BRD10: variants seen among roughly 807,000 people sequenced by gnomAD.
BRD10 encodes the protein bromodomain containing 10, also known as uncharacterized bromodomain-containing protein 10.
chr9:5,961,266 T>C, the BRD10 span, among the ~76,000 whole-genome samples: 36 of 152,292 alleles, frequency 2.4e-4, no homozygotes, highest in Non-Finnish European at 5.0e-4. Flanking sequence ...GCTATAAGCA[T>C]GAACAGCAAG....
the BRD10 span, chr9:5,933,737 G>C: frequency 6.4e-6 from 3 of 469,822 alleles, no homozygotes; most frequent in Non-Finnish European, 1.3e-5. Flanking sequence ...AAATGAGTCG[G>C]GAGGGAAACT....
At chr9:5,920,678 C>A in the BRD10 span, 9 of 1,613,910 alleles carry the variant, frequency 5.6e-6, no homozygotes, top group East Asian at 2.2e-5. Flanking sequence ...AGATACAGAA[C>A]GTGTGGCTCC....
chr9:5,909,635 T>C, the BRD10 span: 1 of 152,258 alleles, frequency 6.6e-6, no homozygotes, highest in Non-Finnish European at 1.5e-5. Flanking sequence ...TTCTAACTAA[T>C]GACAAGTATT....
At chr9:5,983,227 A>G in the BRD10 span, among the ~76,000 whole-genome samples, 3 of 152,320 alleles carry the variant, frequency 2.0e-5, no homozygotes, top group East Asian at 5.8e-4. Context: ...CAGAGGCCTG[A>G]GAGGCATTAT....
At chr9:5,912,725 G>C in the BRD10 span, among the ~76,000 whole-genome samples, 1 of 152,132 alleles carries the variant, frequency 6.6e-6, no homozygotes, top group Admixed American at 6.6e-5. Context: ...ATGGGCACAG[G>C]AGTCCTCTAC....
the BRD10 span, chr9:5,922,741 A>T: frequency 1.2e-6 from 2 of 1,613,980 alleles, no homozygotes; most frequent in Non-Finnish European, 1.7e-6. Context: ...GCTGCACCTG[A>T]ATCTTTACAG....
At chr9:6,007,538 G>C in the BRD10 span, 2 of 1,613,058 alleles carry the variant, frequency 1.2e-6, no homozygotes, top group Non-Finnish European at 1.7e-6. Flanking sequence ...CCCAGGATGC[G>C]GTAGCCCTGC....
At chr9:5,907,917 C>T in the BRD10 span, among the ~76,000 whole-genome samples, 1 of 152,212 alleles carries the variant, frequency 6.6e-6, no homozygotes, top group African/African-American at 2.4e-5. Context: ...AGTGCCACTG[C>T]ACTCCAGCCT....
the BRD10 span, among the ~76,000 whole-genome samples, chr9:5,961,238 G>A: frequency 6.6e-6 from 1 of 152,294 alleles, no homozygotes; most frequent in Non-Finnish European, 1.5e-5. Context: ...TAAGTATTAC[G>A]AAGGAGAAGT....
chr9:5,888,981 A>C, the BRD10 span, among the ~76,000 whole-genome samples: 1 of 152,208 alleles, frequency 6.6e-6, no homozygotes, highest in Non-Finnish European at 1.5e-5. Context: ...CTGGTCTGAG[A>C]AGAAGCTCCA....
At chr9:6,001,048 C>T in the BRD10 span, among the ~76,000 whole-genome samples, 1 of 152,088 alleles carries the variant, frequency 6.6e-6, no homozygotes, top group Admixed American at 6.5e-5. Flanking sequence ...CTCTCAGGTC[C>T]CCTAAGCATC....
At chr9:5,910,093 C>G in the BRD10 span, 1 of 152,192 alleles carries the variant, frequency 6.6e-6, no homozygotes, top group South Asian at 2.1e-4. Flanking sequence ...GAGACCTGCT[C>G]TCTTTGTCAA....
At chr9:5,956,602 G>C in the BRD10 span, among the ~76,000 whole-genome samples, 1 of 152,112 alleles carries the variant, frequency 6.6e-6, no homozygotes, top group Non-Finnish European at 1.5e-5. Flanking sequence ...CTAGGCACAT[G>C]GTAGGTGATC....
the BRD10 span, chr9:5,908,779 T>C: frequency 3.1e-4 from 431 of 1,409,402 alleles, no homozygotes; most frequent in Non-Finnish European, 3.2e-4. Flanking sequence ...AATACAGACA[T>C]CTAATGTTCT....
the BRD10 span, among the ~76,000 whole-genome samples, chr9:5,979,889 C>T: frequency 6.6e-6 from 1 of 151,584 alleles, no homozygotes; most frequent in African/African-American, 2.4e-5. Context: ...AGTGGCAGCA[C>T]CTGTAGCCCT....
At chr9:5,908,725 T>G in the BRD10 span, 1 of 1,601,344 alleles carries the variant, frequency 6.2e-7, no homozygotes, top group Admixed American at 1.7e-5. Flanking sequence ...GCGAGACACC[T>G]GAGACATGCT....
the BRD10 span, among the ~76,000 whole-genome samples, chr9:5,912,262 T>A: frequency 2.0e-5 from 3 of 152,184 alleles, no homozygotes; most frequent in Non-Finnish European, 4.4e-5. Context: ...GTTTGAATAG[T>A]TTTTTGGTGG....
At chr9:5,917,711 G>T in the BRD10 span, among the ~76,000 whole-genome samples, 19 of 152,178 alleles carry the variant, frequency 1.2e-4, no homozygotes, top group Non-Finnish European at 2.2e-4. Flanking sequence ...AATTATCTGG[G>T]CTATGGTGGT....
At chr9:5,917,067 T>C in the BRD10 span, among the ~76,000 whole-genome samples, 43 of 152,344 alleles carry the variant, frequency 2.8e-4, no homozygotes, top group African/African-American at 1.0e-3. Context: ...AGAGGTTATC[T>C]AGATTTGTCA....
Sources: gnomAD v4.1 joint callset for allele counts (sites outside exome capture counted in the v4.1 genomes callset) on GRCh38, gnomAD v4.1.1 for gene constraint, MANE v1.5 for transcripts, NCBI Gene and HGNC (gene_info 2026-07-23, HGNC 2026-07-21) for gene names.